Variants in CDH23 observed in about 807,000 individuals in gnomAD.
CDH23 encodes the protein cadherin related 23.
A neutral mutation model predicts 317.1 loss-of-function variants in CDH23; 189 were observed. The ratio of observed to expected loss-of-function variants is 0.60; its 90% CI spans 0.53 to 0.67. The LOEUF (loss-of-function observed/expected upper bound fraction) is 0.67, where lower values mean the gene tolerates loss of function less well. CDH23 is among the 30% of genes least tolerant of loss of function. The probability of loss-of-function intolerance (pLI) is 0.00; values close to 1 mark genes in which losing one functional copy is unlikely to be tolerated. For synonymous variants in CDH23, 1,839 were observed against 1,876.8 expected, an observed-to-expected ratio of 0.98 and a Z score of 0.52; for missense variants, 4,401 against 4,592.4, an observed-to-expected ratio of 0.96 and a Z score of 1.20.
intron 38 of CDH23, among the ~76,000 whole-genome samples, chr10:71,743,696 C>T (rs1451228774): frequency 1.3e-5 from 2 of 152,182 alleles, no homozygotes; most frequent in African/African-American, 4.8e-5. Flanking sequence ...GACCCAGTTT[C>T]GACATGACCC....
At chr10:71,707,176 G>C (rs762262082) in intron 26 of CDH23, 127 bp downstream of exon 26, 125 of 1,531,532 alleles carry the variant, frequency 8.2e-5, no homozygotes, top group Admixed American at 2.6e-4. Context: ...CTACTGTTGG[G>C]CTTTAGCCTC....
At chr10:71,692,006 C>G (rs1865202642) in intron 20 of CDH23, among the ~76,000 whole-genome samples, 1 of 152,312 alleles carries the variant, frequency 6.6e-6, no homozygotes, top group South Asian at 2.1e-4. Flanking sequence ...CCACAGTGAG[C>G]CCTCATTCCC....
At position 71,738,513 on chromosome 10, in the gene CDH23, C is replaced by A. The variant is rs1440403319; in HGVS notation, c.4225C>A (p.Leu1409Met). The A allele has an allele frequency of 6.2e-7, 1 of 1,613,996 alleles. No homozygotes were observed. The highest frequency in any genetic ancestry group is 2.2e-5 in the East Asian group (1 of 44,894). ...DSTVKVYITV[L>M]DENDNSPRFD... Reference sequence around the variant, plus strand: ...TCACCCTCAGGTCTACATCACTGTGCTGGACGAGAATGACAACAGCCCCCG... The same window carrying A: ...TCACCCTCAGGTCTACATCACTGTGATGGACGAGAATGACAACAGCCCCCG... The change falls in exon 35 of 70, where the codon CTG becomes ATG. Residue 1409 changes from leucine to methionine, a missense_variant. Physicochemically the swap from Leu to Met is conservative, Grantham distance 15 (BLOSUM62 2). Around this residue, in one of 3 missense-constraint regions of CDH23, gnomAD observed 3,068 missense variants for 3,203.3 expected, o/e 0.96. Transcript: ENST00000224721.
intron 18 of CDH23, among the ~76,000 whole-genome samples, chr10:71,685,613 G>A (rs960015326): frequency 2.4e-4 from 36 of 152,352 alleles, no homozygotes; most frequent in African/African-American, 8.4e-4. Context: ...CCTAGTAGAA[G>A]AGGCCCCATT....
intron 8 of CDH23, 46 bp from the exon 9 acceptor site, chr10:71,577,868 A>G (rs139791241): frequency 2.0e-6 from 3 of 1,495,182 alleles, no homozygotes; most frequent in South Asian, 2.4e-5. Context: ...AAAGAAAGAC[A>G]GCAGCCAGGG....
At chr10:71,489,625 G>GTGTT (rs147125202) in intron 3 of CDH23, among the ~76,000 whole-genome samples, 1 of 151,760 alleles carries the variant, frequency 6.6e-6, no homozygotes, top group African/African-American at 2.4e-5. Flanking sequence ...GTGTGTGTGT[G>GTGTT]TGTGTGTGTG....
chr10:71,522,044 C>T (rs1202630873), intron 6 of CDH23, among the ~76,000 whole-genome samples: 1 of 152,138 alleles, frequency 6.6e-6, no homozygotes, highest in Non-Finnish European at 1.5e-5. Flanking sequence ...CCACTCCATG[C>T]TGTCTGGAGC....
At chr10:71,638,187 A>G (rs1200246129) in intron 11 of CDH23, among the ~76,000 whole-genome samples, 1 of 152,130 alleles carries the variant, frequency 6.6e-6, no homozygotes, top group Non-Finnish European at 1.5e-5. Context: ...GCTTCAGGAG[A>G]GGAAGTGAGT....
intron 14 of CDH23, among the ~76,000 whole-genome samples, chr10:71,661,799 CCT>C (rs1207114427): frequency 7.4e-5 from 6 of 81,544 alleles, no homozygotes; most frequent in Admixed American, 6.1e-4. Context: ...CTGCGCGCCC[CCT>C]CCCACCCTGC....
intron 9 of CDH23, among the ~76,000 whole-genome samples, chr10:71,603,108 T>G (rs996348877): frequency 2.0e-5 from 3 of 152,022 alleles, no homozygotes; most frequent in Non-Finnish European, 2.9e-5. Context: ...CCGAGAAGCT[T>G]CATCCCTGGG....
chr10:71,606,341 C>T (rs537700842), intron 9 of CDH23, among the ~76,000 whole-genome samples: 7 of 152,348 alleles, frequency 4.6e-5, no homozygotes, highest in African/African-American at 1.7e-4. Context: ...TCAGCTCAAA[C>T]AAACATAGCA....
In CDH23 at chr10:71,811,378, C is replaced by T. The variant is rs1213512760; in HGVS notation, c.9141C>T (p.Val3047=). The T allele has an allele frequency of 1.3e-5, 21 of 1,613,970 alleles. No homozygotes were observed. Among genetic ancestry groups the T allele is most frequent in the Non-Finnish European group, 1.7e-5 (20 of 1,179,896 alleles). The change falls in exon 63 of 70, where the codon GTC becomes GTT. Residue 3047 remains valine, a synonymous_variant. Transcript: ENST00000224721. ...QLRNLFRNYN[V]LDVQPAISVR... is the part of the protein sequence containing the mutation. Reference sequence around the variant, plus strand: ...GGAATCTTTTCCGGAACTACAACGTCCTGGACGTGCAGCCTGCCATCTCTG... The same window carrying T: ...GGAATCTTTTCCGGAACTACAACGTTCTGGACGTGCAGCCTGCCATCTCTG...
intron 9 of CDH23, among the ~76,000 whole-genome samples, chr10:71,590,789 C>T (rs951868941): frequency 6.7e-6 from 1 of 148,770 alleles, no homozygotes; most frequent in African/African-American, 2.5e-5. Context: ...TCACTTGAGC[C>T]CAGGGGTTCG....
chr10:71,472,812 G>T (rs1341287171), intron 3 of CDH23, among the ~76,000 whole-genome samples: 1 of 152,252 alleles, frequency 6.6e-6, no homozygotes, highest in Non-Finnish European at 1.5e-5. Flanking sequence ...GTAGACTCCA[G>T]TGTGGTCCCA....
chr10:71,463,854 C>G (rs550291904), intron 3 of CDH23, among the ~76,000 whole-genome samples: 1 of 152,330 alleles, frequency 6.6e-6, no homozygotes, highest in South Asian at 2.1e-4. Context: ...TGCTGGGGTT[C>G]CCTACACTGG....
At chr10:71,484,030 C>T (rs1387426123) in intron 3 of CDH23, among the ~76,000 whole-genome samples, 1 of 152,204 alleles carries the variant, frequency 6.6e-6, no homozygotes. Context: ...CTGGGATCCT[C>T]CCACCATTCC....
Position 71,791,218 on chromosome 10 carries a change from A to G in CDH23, c.6136A>G (p.Ile2046Val). Residue 2046 changes from isoleucine to valine, a missense_variant, in exon 47 of 70, where the codon ATC becomes GTC. Physicochemically the swap from Ile to Val is conservative, Grantham distance 29. This residue lies in a region of CDH23 where 3,068 missense variants were observed against 3,203.3 expected (regional missense o/e 0.96). Transcript: ENST00000224721. The stretch of plus-strand genomic sequence containing the variant: ...GGAGCTGCTGCTGCTGGCTGAGGAC[A>G]TCGGGCTGCTCAACAGCACGGCCCA... ...ILELLLLAED[I>V]GLLNSTAHLL... 6.2e-7 allele frequency: 1 copy of G among 1,613,752 alleles called. No homozygotes were observed. The highest frequency in any genetic ancestry group is 8.5e-7 in the Non-Finnish European group (1 of 1,179,796).
intron 6 of CDH23, among the ~76,000 whole-genome samples, chr10:71,548,466 G>C (rs1456757364): frequency 6.6e-6 from 1 of 152,116 alleles, no homozygotes; most frequent in Non-Finnish European, 1.5e-5. Flanking sequence ...CCTCCAAGTG[G>C]AAGGGATTAG....
At chr10:71,755,415 C>G in intron 38 of CDH23, 1 of 1,613,438 alleles carries the variant, frequency 6.2e-7, no homozygotes, top group South Asian at 1.1e-5. Flanking sequence ...GAGGGGGAGG[C>G]AGAGGATTCC....
Sources: gnomAD v4.1 joint callset for allele counts (sites outside exome capture counted in the v4.1 genomes callset) on GRCh38, gnomAD v4.1.1 for gene constraint, gnomAD v4.1.1 regional missense constraint, MANE v1.5 for transcripts, NCBI Gene and HGNC (gene_info 2026-07-23, HGNC 2026-07-21) for gene names.